The following GAB2 variants were observed in gnomAD, a reference collection of about 807,000 sequenced individuals.
The protein encoded by GAB2 is GRB2-associated-binding protein 2.
GAB2 carries 26 observed loss-of-function variants against 65.5 expected under a neutral mutation model. The observed-to-expected ratio is 0.40, with a 90% CI of 0.29 to 0.55. The LOEUF (loss-of-function observed/expected upper bound fraction) is 0.55, where lower values mean the gene tolerates loss of function less well. Ranked by LOEUF, GAB2 falls within the 20% of genes least tolerant of loss-of-function variation. The probability of loss-of-function intolerance (pLI) is 0.53; values close to 1 mark genes in which losing one functional copy is unlikely to be tolerated. For missense variants in GAB2, 884 were observed against 875.8 expected (o/e 1.01, Z -0.12); for synonymous variants, 321 against 329.6 (o/e 0.97, Z 0.28).
intron 4 of GAB2, among the ~76,000 whole-genome samples, chr11:78,225,755 T>C (rs1203180802): frequency 6.6e-6 from 1 of 152,218 alleles, no homozygotes; most frequent in African/African-American, 2.4e-5. Context: ...TCTATTTAAG[T>C]CTCTTAACTG....
intron 2 of GAB2, among the ~76,000 whole-genome samples, chr11:78,263,505 T>C (rs1390767401): frequency 6.6e-6 from 1 of 151,862 alleles, no homozygotes; most frequent in African/African-American, 2.4e-5. Context: ...TGGTGGTGGG[T>C]GCCTGTAGTT....
In GAB2 at chr11:78,222,289, C is replaced by A. The variant is rs1289215431; in HGVS notation, c.1568-94G>T. The A allele has an allele frequency of 3.8e-6, 3 of 794,052 alleles. No homozygotes were observed. In the Admixed American group the frequency reaches 5.9e-5, roughly 16 times the overall value. The allele number at this position is 794,052 out of a possible 1,614,324, so 49.2% of individuals were successfully genotyped here. A position where few individuals can be genotyped will look rare whatever the true frequency, so the allele number is the denominator to read the frequency against. ...TAACACATGAGCATGTTTATAAAGG[C>A]CTGCAAAGTCATTCCAGTTTCACAC... On this transcript the variant is annotated intron_variant, in intron 6 of 9. Transcript: ENST00000361507.
At chr11:78,392,812 G>A (rs1856850864) in intron 1 of GAB2, among the ~76,000 whole-genome samples, 1 of 152,100 alleles carries the variant, frequency 6.6e-6, no homozygotes, top group Admixed American at 6.6e-5. Context: ...ATGAACTCCT[G>A]TTCACTCTTC....
chr11:78,375,345 G>C (rs1040407593), intron 1 of GAB2, among the ~76,000 whole-genome samples: 1 of 151,868 alleles, frequency 6.6e-6, no homozygotes, highest in African/African-American at 2.4e-5. Flanking sequence ...ATTTTTTTTA[G>C]TCTGGGCACA....
At chr11:78,415,028 C>T (rs554420663) in intron 1 of GAB2, among the ~76,000 whole-genome samples, 39 of 152,208 alleles carry the variant, frequency 2.6e-4, no homozygotes, top group Non-Finnish European at 3.8e-4. Flanking sequence ...CCCTCCATGA[C>T]GCCCAGCTAA....
At chr11:78,292,072 A>C (rs149858001) in intron 1 of GAB2, among the ~76,000 whole-genome samples, 132 of 152,054 alleles carry the variant, frequency 8.7e-4, no homozygotes, top group Non-Finnish European at 1.6e-3. Context: ...AATTTTTAAA[A>C]AATAAGGCAA....
intron 1 of GAB2, among the ~76,000 whole-genome samples, chr11:78,282,688 C>T (rs527399331): frequency 6.6e-6 from 1 of 152,226 alleles, no homozygotes; most frequent in Admixed American, 6.5e-5. Context: ...CCACCACCAC[C>T]ATTTTCCCTA....
chr11:78,374,322 C>A (rs565083349), intron 1 of GAB2, among the ~76,000 whole-genome samples: 50 of 152,244 alleles, frequency 3.3e-4, no homozygotes, highest in African/African-American at 1.2e-3. Flanking sequence ...ACAAATAATC[C>A]GGTATTTGTC....
At chr11:78,282,258 A>G (rs566786935) in intron 1 of GAB2, among the ~76,000 whole-genome samples, 4 of 152,098 alleles carry the variant, frequency 2.6e-5, no homozygotes, top group African/African-American at 7.2e-5. Context: ...AAGACTACAT[A>G]TAACAGAAAT....
Position 78,329,442 on chromosome 11 carries a change from C to A in GAB2, c.76-48541G>T, listed in dbSNP as rs1041594972. 5.9e-5 allele frequency among the ~76,000 whole-genome samples: 9 copies of A among 152,144 alleles called. No homozygotes were observed. In the East Asian group the frequency reaches 1.7e-3, roughly 29 times the overall value. ...TAGCATTTATAATATCACTTTGTAA[C>A]TGTTTTCATCTCTGTATCCCCCTAC... On this transcript the variant is annotated intron_variant, in intron 1 of 9. Transcript: ENST00000361507.
At chr11:78,265,833 T>C (rs188590851) in intron 2 of GAB2, among the ~76,000 whole-genome samples, 2 of 152,296 alleles carry the variant, frequency 1.3e-5, no homozygotes, top group African/African-American at 4.8e-5. Context: ...CAACAGTGAA[T>C]TTCTCAAAAT....
chr11:78,286,927 C>G (rs1866501207), intron 1 of GAB2, among the ~76,000 whole-genome samples: 1 of 152,130 alleles, frequency 6.6e-6, no homozygotes, highest in Admixed American at 6.5e-5. Flanking sequence ...AAAGAGAAAG[C>G]TTTTTCAGGA....
chr11:78,244,372 A>G (rs1865231950), intron 3 of GAB2, among the ~76,000 whole-genome samples: 1 of 151,046 alleles, frequency 6.6e-6, no homozygotes, highest in Admixed American at 6.7e-5. Flanking sequence ...AGCCTGTACG[A>G]CAGAGGGAGA....
At chr11:78,307,862 TA>T (rs1855403324) in intron 1 of GAB2, among the ~76,000 whole-genome samples, 1 of 152,140 alleles carries the variant, frequency 6.6e-6, no homozygotes, top group Admixed American at 6.5e-5. Flanking sequence ...GGTAAAGCAT[TA>T]TTTCTGGGTG....
intron 2 of GAB2, among the ~76,000 whole-genome samples, chr11:78,265,129 TAA>T (rs1426188035): frequency 6.6e-6 from 1 of 151,642 alleles, no homozygotes; most frequent in East Asian, 1.9e-4. Context: ...ACGTTTAGAC[TAA>T]AGTCATTAAT....
chr11:78,379,551 G>T (rs915755699), intron 1 of GAB2, among the ~76,000 whole-genome samples: 13 of 152,160 alleles, frequency 8.5e-5, no homozygotes, highest in African/African-American at 2.7e-4. Context: ...TGAGCAAATG[G>T]GTCCTGATAC....
At chr11:78,334,036 A>T (rs540929191) in intron 1 of GAB2, among the ~76,000 whole-genome samples, 1 of 152,156 alleles carries the variant, frequency 6.6e-6, no homozygotes, top group Non-Finnish European at 1.5e-5. Flanking sequence ...TGATAAGTTC[A>T]TCTCCTTTTG....
chr11:78,376,640 G>A (rs191366982), intron 1 of GAB2, among the ~76,000 whole-genome samples: 2 of 152,258 alleles, frequency 1.3e-5, no homozygotes, highest in Admixed American at 1.3e-4. Flanking sequence ...TTTGTTTACT[G>A]TAGGATAAGG....
chr11:78,289,729 A>T (rs1332293090), intron 1 of GAB2, among the ~76,000 whole-genome samples: 1 of 151,688 alleles, frequency 6.6e-6, no homozygotes. Flanking sequence ...GAGAAAGCAA[A>T]CATGCACGAG....
Sources: allele counts gnomAD v4.1 joint callset (sites outside exome capture counted in the v4.1 genomes callset), GRCh38; gene constraint gnomAD v4.1.1; transcripts MANE v1.5; gene names NCBI Gene and HGNC (gene_info 2026-07-23, HGNC 2026-07-21).